ATP8A2: variants seen among roughly 807,000 people sequenced by gnomAD.
The protein encoded by ATP8A2 is ATPase phospholipid transporting 8A2, also known as phospholipid-transporting ATPase IB.
Under a neutral mutation model 165.6 loss-of-function variants are expected in ATP8A2, and 100 were observed. The observed-to-expected ratio is 0.60, with a 90% CI of 0.51 to 0.71. The LOEUF (loss-of-function observed/expected upper bound fraction) is 0.71, where lower values mean the gene tolerates loss of function less well. ATP8A2 is among the 30% of genes least tolerant of loss of function. The pLI, the probability that ATP8A2 is intolerant of heterozygous loss-of-function variation, is 0.00. For missense variants in ATP8A2, 1,227 were observed against 1,479.5 expected (o/e 0.83, Z 2.80); for synonymous variants, 543 against 548.8 (o/e 0.99, Z 0.15).
At chr13:25,482,796 C>G (rs2036243932) in intron 2 of ATP8A2, among the ~76,000 whole-genome samples, 1 of 152,216 alleles carries the variant, frequency 6.6e-6, no homozygotes, top group East Asian at 1.9e-4. Flanking sequence ...TCCTCATTCT[C>G]TCTTTGCCTG....
chr13:25,539,062 TGTG>T (rs1318189461), intron 7 of ATP8A2, among the ~76,000 whole-genome samples: 390 of 90,952 alleles, frequency 4.3e-3, no homozygotes, highest in African/African-American at 0.025. Flanking sequence ...GAAAATTTAG[TGTG>T]TGTGTGTGTG....
intron 25 of ATP8A2, among the ~76,000 whole-genome samples, chr13:25,704,399 A>G (rs2043013944): frequency 1.3e-5 from 2 of 151,218 alleles, no homozygotes; most frequent in Admixed American, 1.3e-4. Flanking sequence ...AGTGCCATGA[A>G]CACAAACACA....
At chr13:25,389,924 A>T (rs1459399159) in intron 1 of ATP8A2, among the ~76,000 whole-genome samples, 1 of 152,234 alleles carries the variant, frequency 6.6e-6, no homozygotes, top group East Asian at 1.9e-4. Context: ...CACTTGAAGC[A>T]AAGAGTGGTC....
chr13:25,438,946 T>C (rs574520364), intron 1 of ATP8A2, among the ~76,000 whole-genome samples: 30 of 152,090 alleles, frequency 2.0e-4, no homozygotes, highest in Non-Finnish European at 4.1e-4. Flanking sequence ...TCAGAGAGAA[T>C]ATATTTGGCT....
At chr13:25,960,941 G>A (rs7333000) in intron 33 of ATP8A2, among the ~76,000 whole-genome samples, 8,273 of 152,120 alleles carry the variant, frequency 0.054, 288 homozygotes, top group African/African-American at 0.092. Context: ...TACTGAAATC[G>A]TGTTCATGTT....
intron 19 of ATP8A2, among the ~76,000 whole-genome samples, chr13:25,575,335 C>T (rs1013658005): frequency 2.0e-5 from 3 of 152,162 alleles, no homozygotes; most frequent in East Asian, 3.8e-4. Flanking sequence ...TGGACTTATT[C>T]GGAAGCATTC....
intron 33 of ATP8A2, chr13:25,863,685 C>T (rs963349992): frequency 1.3e-5 from 2 of 152,216 alleles, no homozygotes; most frequent in African/African-American, 2.4e-5. Flanking sequence ...AACTGTTTCT[C>T]GTGAGATAGC....
intron 33 of ATP8A2, among the ~76,000 whole-genome samples, chr13:25,909,802 G>A (rs575580782): frequency 2.4e-4 from 36 of 152,002 alleles, no homozygotes; most frequent in South Asian, 1.7e-3. Flanking sequence ...AATTCCCGCC[G>A]CCCTCCCCCA....
intron 24 of ATP8A2, among the ~76,000 whole-genome samples, chr13:25,630,925 T>C (rs1287117135): frequency 6.6e-6 from 1 of 152,182 alleles, no homozygotes; most frequent in Non-Finnish European, 1.5e-5. Context: ...GAGTATTTTC[T>C]GGGGATTAAG....
chr13:25,572,574 A>C (rs554858991), intron 18 of ATP8A2, among the ~76,000 whole-genome samples: 1 of 152,342 alleles, frequency 6.6e-6, no homozygotes, highest in African/African-American at 2.4e-5. Context: ...TATATCAAAT[A>C]GGAGGTCAAA....
At chr13:25,567,496 G>A in intron 16 of ATP8A2, 1 of 426,560 alleles carries the variant, frequency 2.3e-6, no homozygotes, top group Non-Finnish European at 4.7e-6. Flanking sequence ...TTGAGAGTAG[G>A]GACAGGTGCA....
chr13:25,693,118 A>G (rs1173409165), intron 24 of ATP8A2, among the ~76,000 whole-genome samples: 1 of 152,220 alleles, frequency 6.6e-6, no homozygotes, highest in African/African-American at 2.4e-5. Context: ...TATAAATTTT[A>G]GCAACTGGAC....
Position 25,961,668 on chromosome 13 carries a change from G to A in ATP8A2, c.3272+5G>A, listed in dbSNP as rs748307984. 53 of 1,607,982 alleles carry A rather than the reference G, an allele frequency of 3.3e-5. No homozygotes were observed. Among genetic ancestry groups the A allele is most frequent in the Non-Finnish European group, 4.5e-5 (53 of 1,174,402 alleles). On this transcript the variant is annotated splice_donor_5th_base_variant and intron_variant, in intron 34 of 36. Coordinates refer to ENST00000381655, the MANE Select transcript of ATP8A2 (RefSeq NM_016529.6). ...TGAAGATGTGGCATGGAGAGCGTAA[G>A]TTTAACAGTGAAGCGGGGACCCTAA...
chr13:25,774,439 A>G (rs2044695157), intron 26 of ATP8A2, among the ~76,000 whole-genome samples: 1 of 152,142 alleles, frequency 6.6e-6, no homozygotes, highest in Non-Finnish European at 1.5e-5. Flanking sequence ...GCATCAGATT[A>G]AATACTAATG....
chr13:25,903,714 G>A (rs1345155498), intron 33 of ATP8A2, among the ~76,000 whole-genome samples: 3 of 152,128 alleles, frequency 2.0e-5, no homozygotes, highest in Non-Finnish European at 4.4e-5. Context: ...CTCTCGAGGG[G>A]TCACTCAGAT....
chr13:25,789,019 A>G (rs565162812), intron 27 of ATP8A2, among the ~76,000 whole-genome samples: 1 of 152,332 alleles, frequency 6.6e-6, no homozygotes, highest in African/African-American at 2.4e-5. Context: ...CTCATGCCCC[A>G]GGGTGTTGAG....
intron 24 of ATP8A2, among the ~76,000 whole-genome samples, chr13:25,642,713 G>A (rs1275515097): frequency 4.6e-5 from 7 of 152,126 alleles, no homozygotes; most frequent in Non-Finnish European, 7.4e-5. Context: ...CCATTACTGG[G>A]TATATACCCA....
At chr13:26,006,803 T>A (rs1956748860) in intron 35 of ATP8A2, among the ~76,000 whole-genome samples, 1 of 152,166 alleles carries the variant, frequency 6.6e-6, no homozygotes, top group South Asian at 2.1e-4. Context: ...ATTCTATTAA[T>A]GCGGTATATT....
chr13:25,907,202 A>G (rs1953966241), intron 33 of ATP8A2, among the ~76,000 whole-genome samples: 1 of 151,998 alleles, frequency 6.6e-6, no homozygotes, highest in South Asian at 2.1e-4. Flanking sequence ...CCGTGTGGAG[A>G]TCGCGCCACT....
Sources: gnomAD v4.1 joint callset for allele counts (sites outside exome capture counted in the v4.1 genomes callset) on GRCh38, gnomAD v4.1.1 for gene constraint, MANE v1.5 for transcripts, NCBI Gene and HGNC (gene_info 2026-07-23, HGNC 2026-07-21) for gene names.